The following WDSUB1 variants were observed in gnomAD, a reference collection of about 807,000 sequenced individuals.
WDSUB1 encodes the protein WD repeat, sterile alpha motif and U-box domain containing 1.
In WDSUB1, 49 loss-of-function variants were observed where a neutral mutation model predicts 53.9. The observed-to-expected ratio is 0.91, with a 90% CI of 0.72 to 1.15. The LOEUF (loss-of-function observed/expected upper bound fraction) is 1.15. WDSUB1 is among the 50% of genes most tolerant of loss of function. WDSUB1 has a pLI of 0.00. For missense variants in WDSUB1, 514 were observed against 562.0 expected, an observed-to-expected ratio of 0.91 and a Z score of 0.86; for synonymous variants, 194 against 200.6, an observed-to-expected ratio of 0.97 and a Z score of 0.28.
chr2:159,251,470 G>A (rs1175088052), intron 9 of WDSUB1, among the ~76,000 whole-genome samples: 1 of 152,128 alleles, frequency 6.6e-6, no homozygotes, highest in Admixed American at 6.6e-5. Flanking sequence ...ACGTCATTTA[G>A]AAATGAAGTC....
At chr2:159,268,028 A>G (rs2061378501) in intron 5 of WDSUB1, among the ~76,000 whole-genome samples, 1 of 152,244 alleles carries the variant, frequency 6.6e-6, no homozygotes, top group Admixed American at 6.5e-5. Context: ...ACACATTTCC[A>G]TAAATACAAT....
At chr2:159,237,752 T>G (rs371952488) in intron 10 of WDSUB1, among the ~76,000 whole-genome samples, 1 of 46,514 alleles carries the variant, frequency 2.1e-5, no homozygotes, top group South Asian at 4.0e-4. Flanking sequence ...ACTGTAAGGA[T>G]GTAAGATGTA....
At chr2:159,280,708 A>AAAAAAAAAAAAAAAAAAAAAAAAAAAAC (rs111752652) in intron 2 of WDSUB1, among the ~76,000 whole-genome samples, 2 of 134,320 alleles carry the variant, frequency 1.5e-5, no homozygotes, top group Admixed American at 7.2e-5. Context: ...AAAAAAAAAA[A>AAAAAAAAAAAAAAAAAAAAAAAAAAAAC]ATTACCCAGA....
intron 10 of WDSUB1, among the ~76,000 whole-genome samples, chr2:159,237,279 G>A (rs1453923474): frequency 6.6e-6 from 1 of 152,152 alleles, no homozygotes; most frequent in Non-Finnish European, 1.5e-5. Context: ...CAGCACTCTG[G>A]GAGGCCAAGG....
In WDSUB1 at chr2:159,282,741, G is replaced by A. The variant is rs377519164; in HGVS notation, c.329C>T (p.Thr110Met). Residue 110 changes from threonine to methionine, a missense_variant, in exon 2 of 11, where the codon ACG becomes ATG. By Grantham distance (81) the Thr-to-Met change is moderately conservative (BLOSUM62 -1). Transcript: ENST00000359774. Reference sequence around the variant, plus strand: ...ATCAGCTGCCCCTGATGCCAAACACGTGGAGTCTGGGGAAAACTGGCAAAC... The same window carrying A: ...ATCAGCTGCCCCTGATGCCAAACACATGGAGTCTGGGGAAAACTGGCAAAC... ...VRVCQFSPDS[T>M]CLASGAADGT... 109 of 1,614,126 alleles carry A rather than the reference G, an allele frequency of 6.8e-5. 1 individual carries two copies. In the Middle Eastern group the frequency reaches 1.2e-3, roughly 17 times the overall value.
intron 9 of WDSUB1, among the ~76,000 whole-genome samples, chr2:159,252,396 G>A (rs566265193): frequency 6.6e-6 from 1 of 152,270 alleles, no homozygotes; most frequent in South Asian, 2.1e-4. Context: ...CGTGAGTGAG[G>A]ACAAGCCATT....
At chr2:159,275,731 C>T in intron 3 of WDSUB1, 93 bp from the exon 4 acceptor site, 1 of 915,386 alleles carries the variant, frequency 1.1e-6, no homozygotes. Flanking sequence ...ATTAATTCTA[C>T]TCATTTAAAC....
intron 10 of WDSUB1, among the ~76,000 whole-genome samples, chr2:159,240,257 C>T (rs911443564): frequency 5.9e-5 from 9 of 152,262 alleles, no homozygotes; most frequent in African/African-American, 1.7e-4. Flanking sequence ...TATGGCTATA[C>T]GACATTTCAT....
chr2:159,254,808 A>G (rs950479280), intron 9 of WDSUB1, among the ~76,000 whole-genome samples: 6 of 152,170 alleles, frequency 3.9e-5, no homozygotes, highest in African/African-American at 1.4e-4. Context: ...TACTCTCAGA[A>G]GAAAGAGGAA....
In WDSUB1 at chr2:159,273,418, TTTA is replaced by T. The variant is rs2061480428; in HGVS notation, c.677-1626_677-1624del. ...GGTGATAAATGCTTTATGAAAAGAT[TTTA>T]TTTTTATTATTTTTTTTTTGAGAGC... On this transcript the variant is annotated intron_variant, in intron 4 of 10. Transcript: ENST00000359774. Among the ~76,000 whole-genome samples, 3 of 152,144 alleles carry T rather than the reference TTTA, an allele frequency of 2.0e-5. No individual in the cohort carries two copies. In the South Asian group the frequency reaches 6.2e-4, roughly 32 times the overall value.
chr2:159,236,182 A>G lies in WDSUB1; in HGVS notation c.1282T>C (p.Ser428Pro). The G allele has an allele frequency of 2.5e-6, 4 of 1,600,612 alleles. No individual in the cohort carries two copies. The highest frequency in any genetic ancestry group is 3.4e-6 in the Non-Finnish European group (4 of 1,175,964). Residue 428 changes from serine to proline, a missense_variant, in exon 11 of 11, where the codon TCA (serine) becomes CCA (proline). Physicochemically the swap from Ser to Pro is moderately conservative, Grantham distance 74 (BLOSUM62 -1). Coordinates refer to ENST00000359774, the MANE Select transcript of WDSUB1 (RefSeq NM_001128212.3). Reference sequence around the variant, plus strand: ...TTTTCCATTGCTTCCTTTTCATATGAATAGCCATCTAAAAAAAAAAAATCA... The same window carrying G: ...TTTTCCATTGCTTCCTTTTCATATGGATAGCCATCTAAAAAAAAAAAATCA... ...KDPVIASDGYSYEKEAMENWI... is the reference protein window; with the variant it reads ...KDPVIASDGYPYEKEAMENWI...
In WDSUB1 at chr2:159,286,700, A is replaced by G. The variant is rs968380; in HGVS notation, c.-142T>C. Reference sequence around the variant, plus strand: ...CCGGCGGAGACCCAGAGCAGAGGGAACAGGCCCCGCCCCCGAACGCCCGCG... The same window carrying G: ...CCGGCGGAGACCCAGAGCAGAGGGAGCAGGCCCCGCCCCCGAACGCCCGCG... On this transcript the variant is annotated 5_prime_UTR_variant, in exon 1 of 11. Transcript: ENST00000359774. The G allele has an allele frequency of 0.088, 13,367 of 151,978 alleles. 1,324 individuals carry two copies. Among genetic ancestry groups the G allele is most frequent in the African/African-American group, 0.23 (9,697 of 41,370 alleles). 9.4% of individuals were successfully genotyped at this position (151,978 alleles called of 1,614,324 possible).
intron 10 of WDSUB1, among the ~76,000 whole-genome samples, chr2:159,241,719 C>CTTTTTCTTT (rs2060653015): frequency 1.5e-5 from 2 of 130,332 alleles, no homozygotes; most frequent in African/African-American, 3.2e-5. Context: ...TTTCTTTTTT[C>CTTTTTCTTT]TTTTTTTTTT....
intron 6 of WDSUB1, among the ~76,000 whole-genome samples, chr2:159,258,435 G>T (rs537072707): frequency 6.6e-6 from 1 of 152,334 alleles, no homozygotes; most frequent in East Asian, 1.9e-4. Context: ...GAGGCAGGTG[G>T]ATCACTTGAG....
At chr2:159,240,830 A>G (rs1367092578) in intron 10 of WDSUB1, among the ~76,000 whole-genome samples, 1 of 152,208 alleles carries the variant, frequency 6.6e-6, no homozygotes, top group Non-Finnish European at 1.5e-5. Context: ...AGAAAGGACA[A>G]CTATAGTAAC....
At chr2:159,264,952 C>T (rs1421722182) in intron 5 of WDSUB1, among the ~76,000 whole-genome samples, 2 of 151,866 alleles carry the variant, frequency 1.3e-5, no homozygotes, top group Non-Finnish European at 2.9e-5. Flanking sequence ...GGCATGGTCG[C>T]GGGCACCTGT....
chr2:159,239,393 TACTTA>T (rs1403241990), intron 10 of WDSUB1, among the ~76,000 whole-genome samples: 6 of 151,820 alleles, frequency 4.0e-5, no homozygotes, highest in African/African-American at 1.5e-4. Flanking sequence ...CACTGAATCT[TACTTA>T]ACTTGCTACT....
intron 3 of WDSUB1, 53 bp from the exon 4 acceptor site, chr2:159,275,691 C>CCA: frequency 7.1e-7 from 1 of 1,402,828 alleles, no homozygotes; most frequent in Non-Finnish European, 9.8e-7. Context: ...TGAAACCCCC[C>CCA]CAAAATTCCC....
At chr2:159,275,774 T>C in intron 3 of WDSUB1, 136 bp from the exon 4 acceptor site, 1 of 640,184 alleles carries the variant, frequency 1.6e-6, no homozygotes, top group Non-Finnish European at 2.5e-6. Context: ...ACTTATATCA[T>C]TTAACAAAAT....
Sources: gnomAD v4.1 joint callset for allele counts (sites outside exome capture counted in the v4.1 genomes callset) on GRCh38, gnomAD v4.1.1 for gene constraint, MANE v1.5 for transcripts, NCBI Gene and HGNC (gene_info 2026-07-23, HGNC 2026-07-21) for gene names.